ZCCHC4: variants seen among roughly 807,000 people sequenced by gnomAD.
ZCCHC4 encodes the protein rRNA N(6)-adenosine-methyltransferase ZCCHC4.
A neutral mutation model predicts 67.7 loss-of-function variants in ZCCHC4; 54 were observed. The ratio of observed to expected loss-of-function variants is 0.80; its 90% CI spans 0.64 to 1.00. The LOEUF (loss-of-function observed/expected upper bound fraction) is 1.00, where lower values mean the gene tolerates loss of function less well. Among genes scored for constraint, ZCCHC4 ranks in the 50% least tolerant of loss-of-function variants. The probability of loss-of-function intolerance (pLI) is 0.00; values close to 1 mark genes in which losing one functional copy is unlikely to be tolerated. For synonymous variants in ZCCHC4, 198 were observed against 213.5 expected (o/e 0.93, Z 0.63); for missense variants, 609 against 617.0 (o/e 0.99, Z 0.14).
intron 8 of ZCCHC4, among the ~76,000 whole-genome samples, chr4:25,353,978 G>A (rs190514379): frequency 6.6e-6 from 1 of 151,942 alleles, no homozygotes; most frequent in East Asian, 1.9e-4. Flanking sequence ...TATAAATTGG[G>A]GCAAAAGTAA....
At position 25,349,547 on chromosome 4, in the gene ZCCHC4, T is replaced by C. The variant is rs763475234; in HGVS notation, c.815T>C (p.Ile272Thr). 6 of 1,614,028 alleles carry C rather than the reference T, an allele frequency of 3.7e-6. No homozygotes were observed. The highest frequency in any genetic ancestry group is 5.1e-6 in the Non-Finnish European group (6 of 1,179,898). The change falls in exon 7 of 13, where the codon ATT (isoleucine) becomes ACT (threonine). Residue 272 changes from isoleucine to threonine, a missense_variant. By Grantham distance (89) the Ile-to-Thr change is moderately conservative (BLOSUM62 -1). Transcript: ENST00000302874. ...CAGGAAGATAAAGGCGAAGGAATCA[T>C]TATGGTGACGGATCCTCCGTTTGGT... ...FLQEDKGEGI[I>T]MVTDPPFGGL...
In ZCCHC4 at chr4:25,314,034, T is replaced by C; in HGVS notation, c.128-12T>C. 1.4e-6 allele frequency: 2 copies of C among 1,404,572 alleles called. No homozygotes were observed. The highest frequency in any genetic ancestry group is 2.0e-6 in the Non-Finnish European group (2 of 1,021,192). 87.0% of individuals were successfully genotyped at this position (1,404,572 alleles called of 1,614,324 possible). On this transcript the variant is annotated splice_polypyrimidine_tract_variant and intron_variant, in intron 1 of 12. Transcript: ENST00000302874. Reference sequence around the variant, plus strand: ...TTGACACTTTTTTTTTTTTTTTCTATTCTGGAACTAGGACCCACTCTTCTG... The same window carrying C: ...TTGACACTTTTTTTTTTTTTTTCTACTCTGGAACTAGGACCCACTCTTCTG...
At chr4:25,322,250 C>T (rs1185117226) in intron 3 of ZCCHC4, among the ~76,000 whole-genome samples, 3 of 152,062 alleles carry the variant, frequency 2.0e-5, no homozygotes, top group Non-Finnish European at 2.9e-5. Flanking sequence ...GCTCACTGTA[C>T]AAAGATGTAC....
chr4:25,349,428 C>G, intron 6 of ZCCHC4, 64 bp from the exon 7 acceptor site: 1 of 1,528,258 alleles, frequency 6.5e-7, no homozygotes, highest in Non-Finnish European at 9.0e-7. Context: ...ATGCATTCTC[C>G]TCCAAATAGG....
chr4:25,364,302 T>C (rs1720860477), intron 10 of ZCCHC4, 152 bp from the exon 11 acceptor site: 3 of 512,244 alleles, frequency 5.9e-6, no homozygotes, highest in Non-Finnish European at 9.4e-6. Context: ...TAAATTAAAA[T>C]CAAAGTATCT....
At chr4:25,341,940 G>C (rs1028681716) in intron 5 of ZCCHC4, among the ~76,000 whole-genome samples, 2 of 152,058 alleles carry the variant, frequency 1.3e-5, no homozygotes, top group African/African-American at 2.4e-5. Context: ...GTAATATCCT[G>C]GTCAGAGTAG....
rs1577738655 is a variant in ZCCHC4, at chr4:25,333,976, A to G, written c.674A>G (p.Asp225Gly). 6.3e-7 allele frequency: 1 copy of G among 1,598,532 alleles called. No homozygotes were observed. Among genetic ancestry groups the G allele is most frequent in the African/African-American group, 1.3e-5 (1 of 74,294 alleles). The change falls in exon 5 of 13, where the codon GAT (aspartate) becomes GGT (glycine). Residue 225 changes from aspartate (D) to glycine (G), a missense_variant. Asp to Gly is a moderately conservative substitution (Grantham distance 94, BLOSUM62 -1). Transcript: ENST00000302874. Reference sequence around the variant, plus strand: ...TCTAACATTAAAAGCCTTTTATTGGATATTGATTTTCGGTAGGTTTACAAA... The same window carrying G: ...TCTAACATTAAAAGCCTTTTATTGGGTATTGATTTTCGGTAGGTTTACAAA... ...KKSNIKSLLL[D>G]IDFRYSQFYM...
At chr4:25,331,464 C>T (rs1000540433) in intron 3 of ZCCHC4, among the ~76,000 whole-genome samples, 1 of 152,096 alleles carries the variant, frequency 6.6e-6, no homozygotes, top group Non-Finnish European at 1.5e-5. Context: ...ACCACCACAC[C>T]TGGCTAATTT....
intron 12 of ZCCHC4, chr4:25,366,159 T>A (rs1285392467): frequency 1.7e-5 from 17 of 978,956 alleles, no homozygotes; most frequent in Non-Finnish European, 2.1e-5. Context: ...TCAGTGAAAA[T>A]TTTTTTTTCC....
intron 5 of ZCCHC4, among the ~76,000 whole-genome samples, chr4:25,334,402 G>T (rs1434695313): frequency 1.3e-5 from 2 of 152,154 alleles, no homozygotes. Flanking sequence ...ATATTTTACT[G>T]GATGTTGTAC....
chr4:25,369,103 A>G lies in ZCCHC4; in HGVS notation c.1481A>G (p.His494Arg), dbSNP rs373254316. The stretch of plus-strand genomic sequence containing the variant: ...ACCACGAAAGGACAATCCATGAATC[A>G]TACATCTGCTACAAGGAGAAAGAAA... ...METTKGQSMN[H>R]TSATRRKKRR... Residue 494 changes from histidine to arginine, a missense_variant, in exon 13 of 13, where the codon CAT becomes CGT. By Grantham distance (29) the His-to-Arg change is conservative (BLOSUM62 0). Transcript: ENST00000302874. 3.1e-6 allele frequency: 5 copies of G among 1,613,960 alleles called. No homozygotes were observed. Among genetic ancestry groups the G allele is most frequent in the Middle Eastern group, 1.6e-4 (1 of 6,084 alleles).
At chr4:25,336,543 A>G (rs1444820397) in intron 5 of ZCCHC4, among the ~76,000 whole-genome samples, 3 of 152,024 alleles carry the variant, frequency 2.0e-5, no homozygotes, top group African/African-American at 4.8e-5. Flanking sequence ...CTGGAGTGCA[A>G]TGGTGCGATC....
rs369838786 is a variant in ZCCHC4 at position 25,364,307 on chromosome 4, GTATC to G, written c.1210-144_1210-141del. ...GAGAAATGCATAAATTAAAATCAAA[GTATC>G]TAATTGTGAAGCCCAGAAAAGGCAG... On this transcript the variant is annotated intron_variant, in intron 10 of 12. Transcript: ENST00000302874. 133 of 523,204 alleles carry G rather than the reference GTATC, an allele frequency of 2.5e-4. 1 individual carries two copies. The highest frequency in any genetic ancestry group is 2.2e-3 in the African/African-American group (110 of 50,056). The allele number at this position is 523,204 out of a possible 1,614,324, so 32.4% of individuals were successfully genotyped here.
intron 8 of ZCCHC4, among the ~76,000 whole-genome samples, chr4:25,356,679 G>A (rs144742701): frequency 6.6e-6 from 1 of 151,790 alleles, no homozygotes; most frequent in East Asian, 1.9e-4. Context: ...CTCTTGGGAA[G>A]AATTTTTTTA....
chr4:25,333,839 T>G, intron 4 of ZCCHC4, 69 bp from the exon 5 acceptor site: 1 of 1,050,650 alleles, frequency 9.5e-7, no homozygotes, highest in Non-Finnish European at 1.4e-6. Context: ...GATGGTTTTG[T>G]TGTTTGTTTG....
chr4:25,333,304 A>G lies in ZCCHC4; in HGVS notation c.451A>G (p.Ile151Val), dbSNP rs1401252477. Residue 151 changes from isoleucine (I) to valine (V), a missense_variant, in exon 4 of 13, where the codon ATT becomes GTT. Ile to Val is a conservative substitution (Grantham distance 29). Coordinates refer to ENST00000302874, the MANE Select transcript of ZCCHC4 (RefSeq NM_024936.3). ...GCATCAGGTTCTGGGTAATGTGTCC[A>G]TTACCCAGTTAAGAAGGCCCAGTCA... ...SEHQVLGNVS[I>V]TQLRRPSQLL... The G allele has an allele frequency of 6.2e-7, 1 of 1,614,138 alleles. No individual in the cohort carries two copies. Among genetic ancestry groups the G allele is most frequent in the Non-Finnish European group, 8.5e-7 (1 of 1,180,010 alleles).
Position 25,343,955 on chromosome 4 carries a change from T to C in ZCCHC4, c.687-1593T>C, listed in dbSNP as rs549959034. 2.2e-4 allele frequency among the ~76,000 whole-genome samples: 33 copies of C among 152,308 alleles called. No homozygotes were observed. In the South Asian group the frequency reaches 5.2e-3, roughly 24 times the overall value. ...GATGATGTGAGTCATATGTAAATTATGTGTAATAAAATAGTTGGAGTTCAA... is the reference window on the plus strand; with the variant it reads ...GATGATGTGAGTCATATGTAAATTACGTGTAATAAAATAGTTGGAGTTCAA... On this transcript the variant is annotated intron_variant, in intron 5 of 12. Transcript: ENST00000302874.
chr4:25,333,730 T>G lies in ZCCHC4; in HGVS notation c.606-178T>G, dbSNP rs147683275. On this transcript the variant is annotated intron_variant, in intron 4 of 12. Transcript: ENST00000302874. Reference sequence around the variant, plus strand: ...TTAGACCTCTCTGTTTCAGATAAGTTCTGCTCTTAAAAAATATTTGCAAAA... The same window carrying G: ...TTAGACCTCTCTGTTTCAGATAAGTGCTGCTCTTAAAAAATATTTGCAAAA... 1.6e-4 allele frequency among the ~76,000 whole-genome samples: 24 copies of G among 152,354 alleles called. No homozygotes were observed. In the East Asian group the frequency reaches 4.6e-3, roughly 29 times the overall value.
Position 25,370,179 on chromosome 4 carries a change from T to C in ZCCHC4, c.*1015T>C, listed in dbSNP as rs1054527196. ...CAGTAAGATTCTGTCTTTGTAAAAGTAGTTCGTAGCAGAAGCCAGGATAGT... is the reference window on the plus strand; with the variant it reads ...CAGTAAGATTCTGTCTTTGTAAAAGCAGTTCGTAGCAGAAGCCAGGATAGT... On this transcript the variant is annotated 3_prime_UTR_variant, in exon 13 of 13. Transcript: ENST00000302874. The C allele has an allele frequency of 6.6e-6, 1 of 152,190 alleles. No homozygotes were observed. The highest frequency in any genetic ancestry group is 1.5e-5 in the Non-Finnish European group (1 of 68,030). The allele number at this position is 152,190 out of a possible 1,614,324, so 9.4% of individuals were successfully genotyped here. A position where few individuals can be genotyped will look rare whatever the true frequency, so the allele number is the denominator to read the frequency against.
Sources: gnomAD v4.1 joint callset for allele counts (sites outside exome capture counted in the v4.1 genomes callset) on GRCh38, gnomAD v4.1.1 for gene constraint, MANE v1.5 for transcripts, NCBI Gene and HGNC (gene_info 2026-07-23, HGNC 2026-07-21) for gene names.